PTPRK: variants seen among roughly 807,000 people sequenced by gnomAD.
PTPRK encodes the protein receptor-type tyrosine-protein phosphatase kappa.
Under a neutral mutation model 178.0 loss-of-function variants are expected in PTPRK, and 75 were observed. That is an observed-to-expected ratio of 0.42 (90% CI 0.35 to 0.51). The LOEUF (loss-of-function observed/expected upper bound fraction) is 0.51, where lower values mean the gene tolerates loss of function less well. Ranked by LOEUF, PTPRK falls within the 20% of genes least tolerant of loss-of-function variation. PTPRK has a pLI of 0.02. For synonymous variants in PTPRK, 637 were observed against 620.6 expected (o/e 1.03, Z -0.39); for missense variants, 1,441 against 1,797.8 (o/e 0.80, Z 3.59).
rs145247510 is a variant in PTPRK, at chr6:128,386,744, A to T, written c.223+10822T>A. Among the ~76,000 whole-genome samples, 418 of 152,294 alleles carry T rather than the reference A, an allele frequency of 2.7e-3. 9 individuals carry two copies. Among genetic ancestry groups the T allele is most frequent in the Admixed American group, 0.026 (394 of 15,286 alleles). Reference sequence around the variant, plus strand: ...ATATTTCACTCCTACTACAAGGCTCATGTCAATAAACACTTCTTGCTGCAC... The same window carrying T: ...ATATTTCACTCCTACTACAAGGCTCTTGTCAATAAACACTTCTTGCTGCAC... On this transcript the variant is annotated intron_variant, in intron 2 of 29. Coordinates refer to ENST00000368226, the MANE Select transcript of PTPRK (RefSeq NM_002844.4).
chr6:128,378,121 A>G (rs1236644233), intron 2 of PTPRK, among the ~76,000 whole-genome samples: 1 of 152,178 alleles, frequency 6.6e-6, no homozygotes, highest in African/African-American at 2.4e-5. Flanking sequence ...AATATAAACC[A>G]TAAGTTACTT....
At chr6:128,046,792 C>T (rs915056442) in intron 13 of PTPRK, among the ~76,000 whole-genome samples, 2 of 152,066 alleles carry the variant, frequency 1.3e-5, no homozygotes, top group African/African-American at 4.8e-5. Flanking sequence ...TTCAAGTTCA[C>T]CAGTGGTGAC....
At chr6:128,045,194 C>T (rs1347039678) in intron 13 of PTPRK, among the ~76,000 whole-genome samples, 2 of 152,100 alleles carry the variant, frequency 1.3e-5, no homozygotes, top group East Asian at 3.9e-4. Flanking sequence ...AGTATACATA[C>T]TTATATTACA....
chr6:128,299,152 C>G (rs1825073846), intron 3 of PTPRK, among the ~76,000 whole-genome samples: 1 of 152,122 alleles, frequency 6.6e-6, no homozygotes, highest in South Asian at 2.1e-4. Context: ...ACCTAGGAAT[C>G]CAACTTACAA....
At chr6:128,088,124 C>A (rs998933087) in intron 8 of PTPRK, among the ~76,000 whole-genome samples, 2 of 151,926 alleles carry the variant, frequency 1.3e-5, no homozygotes, top group Admixed American at 1.3e-4. Context: ...ACGCCTGTAA[C>A]CCTAGCACTT....
chr6:128,331,731 G>A (rs79750098), intron 2 of PTPRK, among the ~76,000 whole-genome samples: 2 of 146,816 alleles, frequency 1.4e-5, no homozygotes, highest in East Asian at 4.1e-4. Context: ...CAAAATGTCA[G>A]AAAAAGTTAG....
At chr6:128,015,369 G>C (rs1779489177) in intron 13 of PTPRK, among the ~76,000 whole-genome samples, 2 of 151,648 alleles carry the variant, frequency 1.3e-5, no homozygotes, top group South Asian at 4.1e-4. Flanking sequence ...GTAAAATAGA[G>C]CGTTAGTGCA....
chr6:128,081,562 C>T (rs1362459976), intron 10 of PTPRK, among the ~76,000 whole-genome samples: 1 of 151,530 alleles, frequency 6.6e-6, no homozygotes, highest in Non-Finnish European at 1.5e-5. Context: ...TTAATATTTG[C>T]CATGTGGAAC....
chr6:128,248,133 C>A (rs1309493630), intron 3 of PTPRK, among the ~76,000 whole-genome samples: 1 of 152,108 alleles, frequency 6.6e-6, no homozygotes, highest in Non-Finnish European at 1.5e-5. Context: ...CCTATGAGTA[C>A]CAGTAAAGCA....
intron 7 of PTPRK, among the ~76,000 whole-genome samples, chr6:128,174,413 T>A (rs1265262729): frequency 6.6e-6 from 1 of 151,880 alleles, no homozygotes; most frequent in Non-Finnish European, 1.5e-5. Flanking sequence ...CATCAGAGGA[T>A]CATTATATAG....
intron 3 of PTPRK, among the ~76,000 whole-genome samples, chr6:128,248,604 TG>T (rs1361058353): frequency 4.6e-5 from 7 of 152,084 alleles, no homozygotes; most frequent in Non-Finnish European, 1.0e-4. Flanking sequence ...CTACATAAAA[TG>T]GTTATTGGAA....
rs1477553075 is a variant in PTPRK at position 127,995,398 on chromosome 6, T to A, written c.2844+64A>T. 3.4e-6 allele frequency: 5 copies of A among 1,482,092 alleles called. No individual in the cohort carries two copies. The African/African-American group carries it at 4.2e-5, about 12-fold the overall frequency. The allele number at this position is 1,482,092 out of a possible 1,614,324, so 91.8% of individuals were successfully genotyped here. ...AAGCTAGCAATCACTTTATAGGTAA[T>A]AAGCAAAAAGGTTCATATATATAAG... is the stretch of plus-strand genomic sequence containing the variant. On this transcript the variant is annotated intron_variant, in intron 18 of 29. Coordinates refer to ENST00000368226, the MANE Select transcript of PTPRK (RefSeq NM_002844.4).
At chr6:127,984,896 G>A (rs1436340055) in intron 22 of PTPRK, among the ~76,000 whole-genome samples, 2 of 152,092 alleles carry the variant, frequency 1.3e-5, no homozygotes, top group Non-Finnish European at 2.9e-5. Flanking sequence ...CCTATGGGAC[G>A]TTTTACCTTT....
At chr6:128,121,584 G>C (rs1376208745) in intron 7 of PTPRK, among the ~76,000 whole-genome samples, 1 of 151,900 alleles carries the variant, frequency 6.6e-6, no homozygotes, top group African/African-American at 2.4e-5. Context: ...TATCTGCACA[G>C]AAAAGTTTTG....
chr6:128,220,780 T>C (rs1267125528), intron 5 of PTPRK, among the ~76,000 whole-genome samples: 1 of 152,164 alleles, frequency 6.6e-6, no homozygotes, highest in Non-Finnish European at 1.5e-5. Flanking sequence ...ATAAACTGAA[T>C]TTTATTCATT....
intron 2 of PTPRK, among the ~76,000 whole-genome samples, chr6:128,357,033 G>T (rs796356085): frequency 9.2e-5 from 14 of 152,276 alleles, no homozygotes; most frequent in African/African-American, 3.4e-4. Context: ...GAATACTGGG[G>T]AAGCCTAAGA....
In PTPRK at chr6:128,238,207, A is replaced by AG; in HGVS notation, c.693+1827dup. The AG allele has an allele frequency of 5.5e-6, 2 of 365,498 alleles. 1 individual carries two copies. The highest frequency in any genetic ancestry group is 3.9e-5 in the South Asian group (2 of 51,790). The allele number at this position is 365,498 out of a possible 1,614,324, so 22.6% of individuals were successfully genotyped here. On this transcript the variant is annotated intron_variant, in intron 5 of 29. Coordinates refer to ENST00000368226, the MANE Select transcript of PTPRK (RefSeq NM_002844.4). The stretch of plus-strand genomic sequence containing the variant: ...CGCCAAAAAAAAAAAAAAAAAGAAA[A>AG]GAAAAAAAAAAGAGGTGAGGTAGGG...
chr6:128,121,029 TTGAGTAA>T (rs1217048218), intron 7 of PTPRK, among the ~76,000 whole-genome samples: 1 of 151,582 alleles, frequency 6.6e-6, no homozygotes, highest in Non-Finnish European at 1.5e-5. Flanking sequence ...AAAATATTTA[TTGAGTAA>T]TAACTATTAT....
chr6:128,173,626 T>G (rs1384905460), intron 7 of PTPRK, among the ~76,000 whole-genome samples: 4 of 151,968 alleles, frequency 2.6e-5, no homozygotes, highest in Non-Finnish European at 5.9e-5. Context: ...TCCCCAATGT[T>G]TGAGCCCTTC....
Sources: allele counts gnomAD v4.1 joint callset (sites outside exome capture counted in the v4.1 genomes callset), GRCh38; gene constraint gnomAD v4.1.1; transcripts MANE v1.5; gene names NCBI Gene and HGNC (gene_info 2026-07-23, HGNC 2026-07-21).